Variants in NOL4L observed in about 807,000 individuals in gnomAD.
NOL4L encodes the protein nucleolar protein 4 like.
Under a neutral mutation model 64.5 loss-of-function variants are expected in NOL4L, and 7 were observed. The ratio of observed to expected loss-of-function variants is 0.11; its 90% CI spans 0.06 to 0.20. The LOEUF is 0.20. Ranked by LOEUF, NOL4L falls within the 10% of genes least tolerant of loss-of-function variation. The pLI, the probability that NOL4L is intolerant of heterozygous loss-of-function variation, is 1.00. For missense variants in NOL4L, 680 were observed against 967.1 expected (o/e 0.70, Z 3.94); for synonymous variants, 413 against 401.0 (o/e 1.03, Z -0.36).
chr20:32,512,355 C>T (rs1388813108), intron 3 of NOL4L, among the ~76,000 whole-genome samples: 3 of 152,154 alleles, frequency 2.0e-5, no homozygotes, highest in Admixed American at 1.3e-4. Flanking sequence ...TCACCCAATC[C>T]CGCCACCCCA....
intron 5 of NOL4L, among the ~76,000 whole-genome samples, chr20:32,473,765 C>G (rs1267340783): frequency 6.6e-6 from 1 of 152,186 alleles, no homozygotes; most frequent in East Asian, 1.9e-4. Flanking sequence ...ACCTTCAACC[C>G]CTCCTAATTG....
intron 5 of NOL4L, among the ~76,000 whole-genome samples, chr20:32,458,777 A>G (rs976173078): frequency 1.3e-5 from 2 of 152,212 alleles, no homozygotes; most frequent in African/African-American, 4.8e-5. Flanking sequence ...CATCACAGGC[A>G]CCAGGCCCAA....
intron 1 of NOL4L, among the ~76,000 whole-genome samples, chr20:32,564,622 T>A (rs1478560510): frequency 2.0e-5 from 3 of 152,246 alleles, no homozygotes; most frequent in African/African-American, 7.2e-5. Flanking sequence ...GCCTCGTATG[T>A]CCTGTGTGCT....
chr20:32,505,425 A>G (rs928453545), intron 4 of NOL4L, among the ~76,000 whole-genome samples: 2 of 152,248 alleles, frequency 1.3e-5, no homozygotes, highest in Admixed American at 1.3e-4. Context: ...TTATTGTCAT[A>G]AAAAGGAATA....
chr20:32,462,903 TAAAA>T (rs564168973), intron 5 of NOL4L, among the ~76,000 whole-genome samples: 5,966 of 76,740 alleles, frequency 0.078, 631 homozygotes, highest in African/African-American at 0.27. Flanking sequence ...GACTCTGTCT[TAAAA>T]AAAAAAAAAA....
At chr20:32,454,546 T>C (rs2013282952) in intron 6 of NOL4L, among the ~76,000 whole-genome samples, 1 of 152,140 alleles carries the variant, frequency 6.6e-6, no homozygotes, top group Admixed American at 6.5e-5. Context: ...AGCTCCCTCT[T>C]TTCCCCCATG....
At chr20:32,524,184 C>A (rs1419247513) in intron 2 of NOL4L, among the ~76,000 whole-genome samples, 1 of 152,176 alleles carries the variant, frequency 6.6e-6, no homozygotes, top group Non-Finnish European at 1.5e-5. Flanking sequence ...AAAGGACTAG[C>A]CCTCTGTGTG....
intron 1 of NOL4L, among the ~76,000 whole-genome samples, chr20:32,533,880 T>G (rs1011846073): frequency 2.6e-5 from 4 of 152,224 alleles, no homozygotes; most frequent in East Asian, 1.9e-4. Context: ...GACAGGCTCC[T>G]GCCGGGGCGA....
chr20:32,543,751 C>T (rs1408318378), intron 1 of NOL4L, among the ~76,000 whole-genome samples: 3 of 151,682 alleles, frequency 2.0e-5, no homozygotes, highest in East Asian at 1.9e-4. Context: ...GATCTCGCCA[C>T]GGCACTCCAG....
intron 1 of NOL4L, among the ~76,000 whole-genome samples, chr20:32,575,203 G>T (rs1980016480): frequency 6.6e-6 from 1 of 152,026 alleles, no homozygotes; most frequent in South Asian, 2.1e-4. Context: ...GGGCTCTTCA[G>T]ATCTCTCTCC....
intron 1 of NOL4L, among the ~76,000 whole-genome samples, chr20:32,544,763 C>T (rs1236028845): frequency 6.6e-6 from 1 of 152,168 alleles, no homozygotes; most frequent in Non-Finnish European, 1.5e-5. Context: ...ATAGATCCCA[C>T]CCCAGGGTGA....
At chr20:32,509,913 A>G in intron 4 of NOL4L, 1 of 1,304,294 alleles carries the variant, frequency 7.7e-7, no homozygotes, top group Non-Finnish European at 1.0e-6. Flanking sequence ...GTGTTTACGA[A>G]GCCAGGTGCC....
At chr20:32,450,968 A>G (rs2012836156) in intron 10 of NOL4L, among the ~76,000 whole-genome samples, 1 of 152,104 alleles carries the variant, frequency 6.6e-6, no homozygotes, top group African/African-American at 2.4e-5. Flanking sequence ...AGGGACCTGC[A>G]TACACTTCCT....
intron 4 of NOL4L, chr20:32,483,499 C>A: frequency 1.0e-6 from 1 of 985,708 alleles, no homozygotes; most frequent in Non-Finnish European, 1.2e-6. Context: ...CTGGCACCAC[C>A]GCGGCGCGTC....
At chr20:32,565,999 C>T (rs942411261) in intron 1 of NOL4L, among the ~76,000 whole-genome samples, 2 of 152,126 alleles carry the variant, frequency 1.3e-5, no homozygotes, top group South Asian at 4.1e-4. Flanking sequence ...GAGCTGTGAT[C>T]GCACCACTGC....
chr20:32,536,175 C>T, intron 1 of NOL4L: 1 of 985,636 alleles, frequency 1.0e-6, no homozygotes, highest in Non-Finnish European at 1.2e-6. Context: ...AGAGCTCTGT[C>T]TGCTACTCTG....
intron 1 of NOL4L, chr20:32,536,113 T>C: frequency 2.0e-6 from 2 of 985,496 alleles, no homozygotes; most frequent in Non-Finnish European, 2.4e-6. Flanking sequence ...AGGAAGTGTG[T>C]GGGAACCCAA....
At chr20:32,544,660 G>A (rs1158386642) in intron 1 of NOL4L, among the ~76,000 whole-genome samples, 2 of 152,142 alleles carry the variant, frequency 1.3e-5, no homozygotes, top group East Asian at 1.9e-4. Flanking sequence ...GCCTCAGCAG[G>A]CATCCTGGCC....
intron 4 of NOL4L, among the ~76,000 whole-genome samples, chr20:32,509,531 A>AAG: frequency 6.7e-6 from 1 of 150,298 alleles, no homozygotes; most frequent in South Asian, 2.1e-4. Flanking sequence ...AAAAAAAAAA[A>AAG]AAAAAAAAAG....
Sources: allele counts gnomAD v4.1 joint callset (sites outside exome capture counted in the v4.1 genomes callset), GRCh38; gene constraint gnomAD v4.1.1; transcripts MANE v1.5; gene names NCBI Gene and HGNC (gene_info 2026-07-23, HGNC 2026-07-21).